ZDHHC6: variants seen among roughly 807,000 people sequenced by gnomAD.
ZDHHC6 encodes the protein palmitoyltransferase ZDHHC6.
A neutral mutation model predicts 57.8 loss-of-function variants in ZDHHC6; 32 were observed. That is an observed-to-expected ratio of 0.55 (90% CI 0.42 to 0.74). The LOEUF (loss-of-function observed/expected upper bound fraction) is 0.74, where lower values mean the gene tolerates loss of function less well. Ranked by LOEUF, ZDHHC6 falls within the 30% of genes least tolerant of loss-of-function variation. The probability of loss-of-function intolerance (pLI) is 0.00; values close to 1 mark genes in which losing one functional copy is unlikely to be tolerated. For synonymous variants in ZDHHC6, 128 were observed against 158.0 expected, an observed-to-expected ratio of 0.81 and a Z score of 1.42; for missense variants, 433 against 500.7, an observed-to-expected ratio of 0.86 and a Z score of 1.29.
At chr10:112,442,884 G>C (rs986196809) in intron 3 of ZDHHC6, among the ~76,000 whole-genome samples, 1 of 76,856 alleles carries the variant, frequency 1.3e-5, no homozygotes, top group Non-Finnish European at 3.3e-5. Context: ...AATAAACAAA[G>C]TCTTGCCGTG....
At chr10:112,440,751 A>T in intron 4 of ZDHHC6, 56 bp from the exon 5 acceptor site, 2 of 1,537,384 alleles carry the variant, frequency 1.3e-6, no homozygotes, top group Non-Finnish European at 8.8e-7. Context: ...AACTGGTCAG[A>T]CTCTACTGTG....
downstream of ZDHHC6, among the ~76,000 whole-genome samples, chr10:112,428,933 G>A (rs1844847982): frequency 6.6e-6 from 1 of 152,188 alleles, no homozygotes. Flanking sequence ...AGTAAGTTCT[G>A]AAGACCAAAC....
At chr10:112,439,574 G>A (rs966522523) in intron 5 of ZDHHC6, among the ~76,000 whole-genome samples, 3 of 137,016 alleles carry the variant, frequency 2.2e-5, no homozygotes, top group Non-Finnish European at 4.6e-5. Flanking sequence ...AGGTTGCAGT[G>A]AGCTGAGTTC....
At chr10:112,429,836 G>C (rs1844875637), downstream of ZDHHC6, among the ~76,000 whole-genome samples, 1 of 152,216 alleles carries the variant, frequency 6.6e-6, no homozygotes, top group Non-Finnish European at 1.5e-5. Flanking sequence ...AGGGGGCCTA[G>C]GCGGCAGGGC....
At chr10:112,426,864 G>A, downstream of ZDHHC6, 1 of 1,607,474 alleles carries the variant, frequency 6.2e-7, no homozygotes, top group Non-Finnish European at 8.5e-7. Flanking sequence ...GAACAGGTGT[G>A]TGCTACCACT....
At chr10:112,444,384 T>A (rs554861816) in intron 2 of ZDHHC6, among the ~76,000 whole-genome samples, 1 of 152,346 alleles carries the variant, frequency 6.6e-6, no homozygotes, top group South Asian at 2.1e-4. Context: ...ACAGCACCCA[T>A]CACGTTCTAC....
chr10:112,447,347 G>T, upstream of ZDHHC6: 1 of 1,608,854 alleles, frequency 6.2e-7, no homozygotes, highest in Non-Finnish European at 8.5e-7. Flanking sequence ...CTAGGCTTTG[G>T]CCTGGGCTAC....
At chr10:112,427,205 G>T (rs1167743569), downstream of ZDHHC6, 2 of 1,607,092 alleles carry the variant, frequency 1.2e-6, no homozygotes, top group East Asian at 4.5e-5. Flanking sequence ...ATGTGTGTGT[G>T]TTCATCTTCC....
chr10:112,428,981 C>A (rs1031469919), downstream of ZDHHC6, among the ~76,000 whole-genome samples: 1 of 152,160 alleles, frequency 6.6e-6, no homozygotes, highest in Non-Finnish European at 1.5e-5. Context: ...AAACAAATAC[C>A]AGCTGAGCCA....
intron 6 of ZDHHC6, 60 bp from the exon 7 acceptor site, chr10:112,434,524 T>C: frequency 4.7e-6 from 7 of 1,478,868 alleles, no homozygotes; most frequent in Non-Finnish European, 6.4e-6. Flanking sequence ...TGCAGTAATA[T>C]GTTATTGAGA....
At chr10:112,447,303 G>A, upstream of ZDHHC6, 1 of 1,525,838 alleles carries the variant, frequency 6.6e-7, no homozygotes, top group Admixed American at 1.9e-5. Context: ...AAGCCGCGGG[G>A]CCCCTCGCTG....
At chr10:112,439,809 G>A (rs1845938566) in intron 5 of ZDHHC6, among the ~76,000 whole-genome samples, 1 of 151,834 alleles carries the variant, frequency 6.6e-6, no homozygotes, top group Admixed American at 6.6e-5. Context: ...CAGTTCCTAA[G>A]GGCAGCTACC....
downstream of ZDHHC6, chr10:112,425,442 A>G (rs969430046): frequency 6.2e-7 from 1 of 1,613,516 alleles, no homozygotes; most frequent in Non-Finnish European, 8.5e-7. Context: ...ACAGGAGTCA[A>G]CCAGTGTTAC....
Position 112,438,379 on chromosome 10 carries a change from AT to A in ZDHHC6, c.691del (p.Ile231PhefsTer25). 1 of 1,388,796 alleles carries A rather than the reference AT, an allele frequency of 7.2e-7. No homozygotes were observed. The highest frequency in any genetic ancestry group is 9.6e-7 in the Non-Finnish European group (1 of 1,041,582). 86.0% of individuals were successfully genotyped at this position (1,388,796 alleles called of 1,614,324 possible). Reference sequence around the variant, plus strand: ...CTCAATAGAAGTTTTGTTTCTGAGAATTATTTTCATCTGGAAATTAAATGAT... The same window carrying A: ...CTCAATAGAAGTTTTGTTTCTGAGAATATTTTCATCTGGAAATTAAATGAT... ...GMLFFIQMKI[I>X]LRNKTSIESW... On this transcript the variant is annotated frameshift_variant, in exon 6 of 11. Transcript: ENST00000369405. LOFTEE classifies it high-confidence loss of function.
At chr10:112,426,333 T>A, downstream of ZDHHC6, 2 of 1,614,078 alleles carry the variant, frequency 1.2e-6, no homozygotes, top group Non-Finnish European at 1.7e-6. Context: ...GGTGAAGGGC[T>A]CCTTTGAGGA....
chr10:112,442,072 T>C (rs1846169876), intron 4 of ZDHHC6, 120 bp downstream of exon 4: 1 of 1,226,266 alleles, frequency 8.2e-7, no homozygotes, highest in Non-Finnish European at 1.1e-6. Context: ...AAAACAAAGT[T>C]CTATTTCCCC....
chr10:112,445,085 G>A (rs1846516278), intron 2 of ZDHHC6, 85 bp downstream of exon 2: 1 of 1,449,990 alleles, frequency 6.9e-7, no homozygotes, highest in African/African-American at 1.4e-5. Flanking sequence ...AGTAGGCTGT[G>A]TTTGGTATTA....
rs759520229 is a variant in ZDHHC6 at position 112,445,533 on chromosome 10, T to G, written c.-97A>C. ...GTGCCACAAGTCCATGTGTGTTCTTTAATTGTCATGCCTTCAAGCTGTGAA... is the reference window on the plus strand; with the variant it reads ...GTGCCACAAGTCCATGTGTGTTCTTGAATTGTCATGCCTTCAAGCTGTGAA... On this transcript the variant is annotated 5_prime_UTR_variant, in exon 2 of 11. Coordinates refer to ENST00000369405, the MANE Select transcript of ZDHHC6 (RefSeq NM_022494.3). The G allele has an allele frequency of 3.7e-4, 504 of 1,378,966 alleles. 2 individuals are homozygous for G. The highest frequency in any genetic ancestry group is 1.6e-3 in the Middle Eastern group (6 of 3,870). 85.4% of individuals were successfully genotyped at this position (1,378,966 alleles called of 1,614,324 possible).
chr10:112,442,291 A>C lies in ZDHHC6; in HGVS notation c.420T>G (p.Asn140Lys). 1 of 1,614,106 alleles carries C rather than the reference A, an allele frequency of 6.2e-7. No homozygotes were observed. Among genetic ancestry groups the C allele is most frequent in the Non-Finnish European group, 8.5e-7 (1 of 1,179,976 alleles). Residue 140 changes from asparagine (N) to lysine (K), a missense_variant, in exon 4 of 11, where the codon AAT (asparagine) becomes AAG (lysine). Physicochemically the swap from Asn to Lys is moderately conservative, Grantham distance 94. Transcript: ENST00000369405. ...GGAGAAACAGTGTGAACGAAGCATG[A>C]TTTTGGTAACCACAACAGTTGTTGA... ...PWINNCCGYQ[N>K]HASFTLFLLL...
Sources: gnomAD v4.1 joint callset for allele counts (sites outside exome capture counted in the v4.1 genomes callset) on GRCh38, gnomAD v4.1.1 for gene constraint, MANE v1.5 for transcripts, NCBI Gene and HGNC (gene_info 2026-07-23, HGNC 2026-07-21) for gene names.